The following PPP1R42 variants were observed in gnomAD, a reference collection of about 807,000 sequenced individuals.
PPP1R42 encodes the protein leucine rich repeat containing 67.
PPP1R42 carries 34 observed loss-of-function variants against 31.0 expected under a neutral mutation model. The ratio of observed to expected loss-of-function variants is 1.10; its 90% CI spans 0.83 to 1.46. The LOEUF (loss-of-function observed/expected upper bound fraction) is 1.46, where lower values mean the gene tolerates loss of function less well. Among genes scored for constraint, PPP1R42 ranks in the 40% most tolerant of loss-of-function variants. The pLI, the probability that PPP1R42 is intolerant of heterozygous loss-of-function variation, is 0.00. For synonymous variants in PPP1R42, 103 were observed against 109.8 expected (o/e 0.94, Z 0.39); for missense variants, 268 against 303.0 (o/e 0.88, Z 0.86).
chr8:67,003,521 T>A (rs1815574632), intron 5 of PPP1R42, among the ~76,000 whole-genome samples: 1 of 151,928 alleles, frequency 6.6e-6, no homozygotes, highest in East Asian at 1.9e-4. Flanking sequence ...AACAGGCCTG[T>A]GCTGCCTATT....
At chr8:66,984,491 C>A in intron 6 of PPP1R42, 1 of 1,237,098 alleles carries the variant, frequency 8.1e-7, no homozygotes, top group South Asian at 1.2e-5. Flanking sequence ...TACAGTTGCC[C>A]AGCATTGGCC....
intron 1 of PPP1R42, among the ~76,000 whole-genome samples, chr8:67,019,147 A>G (rs922171694): frequency 4.1e-5 from 6 of 145,690 alleles, no homozygotes; most frequent in Non-Finnish European, 9.0e-5. Flanking sequence ...ATGCACTGCA[A>G]TCTTTGAACT....
In PPP1R42 at chr8:66,987,653, T is replaced by C. The variant is rs1182323538; in HGVS notation, c.670+747A>G. On this transcript the variant is annotated intron_variant, in intron 6 of 7. Transcript: ENST00000685739. ...TGGTTGAAGACTGGGAGCCAGGTAA[T>C]GAATTCAAGATTATAGAACTATGAG... Among the ~76,000 whole-genome samples, 3 of 152,194 alleles carry C rather than the reference T, an allele frequency of 2.0e-5. No homozygotes were observed. The East Asian group carries it at 5.8e-4, about 29-fold the overall frequency.
intron 7 of PPP1R42, among the ~76,000 whole-genome samples, chr8:66,973,617 T>C (rs1814594683): frequency 6.6e-6 from 1 of 152,182 alleles, no homozygotes; most frequent in Non-Finnish European, 1.5e-5. Flanking sequence ...AAATCTACCC[T>C]CTTAACAAAG....
At chr8:66,974,065 T>C (rs949105903) in intron 7 of PPP1R42, among the ~76,000 whole-genome samples, 6 of 152,238 alleles carry the variant, frequency 3.9e-5, no homozygotes, top group African/African-American at 1.4e-4. Flanking sequence ...CTGATGTCTC[T>C]TGGAAATCCT....
intron 7 of PPP1R42, among the ~76,000 whole-genome samples, chr8:66,973,905 A>T (rs1443650567): frequency 6.6e-6 from 1 of 152,224 alleles, no homozygotes; most frequent in Non-Finnish European, 1.5e-5. Context: ...GTTGTCACAT[A>T]TTGCAGAATT....
At chr8:66,986,164 C>G in intron 6 of PPP1R42, 1 of 623,848 alleles carries the variant, frequency 1.6e-6, no homozygotes, top group South Asian at 1.6e-5. Flanking sequence ...ACCCAGCACG[C>G]TTTTCACTGT....
intron 7 of PPP1R42, chr8:66,971,088 AC>A: frequency 6.5e-7 from 1 of 1,534,396 alleles, no homozygotes; most frequent in South Asian, 1.2e-5. Flanking sequence ...ATTTTGGCTT[AC>A]CCACCTGTGG....
intron 5 of PPP1R42, among the ~76,000 whole-genome samples, chr8:67,004,491 TTTTG>T (rs1393131307): frequency 2.0e-5 from 3 of 152,242 alleles, no homozygotes; most frequent in Non-Finnish European, 4.4e-5. Flanking sequence ...ATTCAGTTCT[TTTTG>T]TTTGTTCTTT....
At chr8:67,025,776 G>A (rs1816375522) in intron 1 of PPP1R42, among the ~76,000 whole-genome samples, 1 of 151,500 alleles carries the variant, frequency 6.6e-6, no homozygotes, top group Non-Finnish European at 1.5e-5. Flanking sequence ...AGGCCGAGGT[G>A]GGCAGATCAC....
intron 5 of PPP1R42, 161 bp downstream of exon 5, chr8:67,010,551 AATT>A (rs1815811056): frequency 1.7e-6 from 1 of 598,146 alleles, no homozygotes; most frequent in Non-Finnish European, 2.9e-6. Context: ...AAGAGGACAG[AATT>A]ATACACATAA....
chr8:66,973,318 T>C (rs905396679), intron 7 of PPP1R42, among the ~76,000 whole-genome samples: 3 of 152,108 alleles, frequency 2.0e-5, no homozygotes, highest in African/African-American at 7.2e-5. Context: ...TTGTTTTGTT[T>C]TTTGAGACGA....
chr8:67,021,924 A>T (rs544854966), intron 1 of PPP1R42, among the ~76,000 whole-genome samples: 6 of 152,288 alleles, frequency 3.9e-5, no homozygotes, highest in Non-Finnish European at 7.4e-5. Flanking sequence ...CATTGTAAGA[A>T]ATTAATTTTT....
chr8:67,019,237 CTTTTTTTTT>C (rs1186280936), intron 1 of PPP1R42, among the ~76,000 whole-genome samples: 1 of 91,670 alleles, frequency 1.1e-5, no homozygotes, highest in African/African-American at 5.0e-5. Flanking sequence ...TTATGAGCAT[CTTTTTTTTT>C]TTTTTTTTTT....
chr8:66,985,033 C>T, intron 6 of PPP1R42: 1 of 1,478,636 alleles, frequency 6.8e-7, no homozygotes, highest in East Asian at 2.3e-5. Flanking sequence ...AAGGTTAAAG[C>T]CATTGGGGAT....
Position 67,028,511 on chromosome 8 carries a change from A to G in PPP1R42, c.-105T>C. On this transcript the variant is annotated 5_prime_UTR_variant, in exon 1 of 8. Transcript: ENST00000685739. ...CTCACCGCTCGCGGGACAGTCCGGT[A>G]GCTAACTCCAGTTTGGTCGGTTTCA... The G allele has an allele frequency of 2.0e-6, 2 of 985,510 alleles. No homozygotes were observed. Among genetic ancestry groups the G allele is most frequent in the Non-Finnish European group, 2.4e-6 (2 of 829,966 alleles). The allele number at this position is 985,510 out of a possible 1,614,324, so 61.0% of individuals were successfully genotyped here.
At chr8:66,980,570 G>A (rs1186930309) in intron 7 of PPP1R42, among the ~76,000 whole-genome samples, 1 of 152,076 alleles carries the variant, frequency 6.6e-6, no homozygotes, top group Non-Finnish European at 1.5e-5. Context: ...AAAATCACTA[G>A]AGCTCCATGC....
intron 7 of PPP1R42, among the ~76,000 whole-genome samples, chr8:66,977,654 C>T (rs1814716573): frequency 6.6e-6 from 1 of 152,018 alleles, no homozygotes; most frequent in African/African-American, 2.4e-5. Flanking sequence ...TACAGGTGTG[C>T]ACCACCATGC....
chr8:66,989,983 C>G (rs148058310), intron 5 of PPP1R42, among the ~76,000 whole-genome samples: 1 of 152,126 alleles, frequency 6.6e-6, no homozygotes, highest in Non-Finnish European at 1.5e-5. Flanking sequence ...CAACAGAGAG[C>G]GAAAACATTT....
Sources: gnomAD v4.1 joint callset for allele counts (sites outside exome capture counted in the v4.1 genomes callset) on GRCh38, gnomAD v4.1.1 for gene constraint, MANE v1.5 for transcripts, NCBI Gene and HGNC (gene_info 2026-07-23, HGNC 2026-07-21) for gene names.